Variants in EHD1 observed in about 807,000 individuals in gnomAD.
EHD1 encodes EH domain-containing protein 1.
A neutral mutation model predicts 39.0 loss-of-function variants in EHD1; 19 were observed. The observed-to-expected ratio is 0.49, with a 90% CI of 0.34 to 0.72. The LOEUF (loss-of-function observed/expected upper bound fraction) is 0.72, where lower values mean the gene tolerates loss of function less well. EHD1 is among the 30% of genes least tolerant of loss of function. The pLI, the probability that EHD1 is intolerant of heterozygous loss-of-function variation, is 0.01. For missense variants in EHD1, 542 were observed against 751.5 expected (o/e 0.72, Z 3.26); for synonymous variants, 323 against 331.2 (o/e 0.98, Z 0.27).
intron 2 of EHD1, among the ~76,000 whole-genome samples, chr11:64,867,724 G>A (rs1325024728): frequency 2.0e-5 from 3 of 152,186 alleles, no homozygotes; most frequent in African/African-American, 4.8e-5. Flanking sequence ...CTCCATCTCC[G>A]TACCCCCACC....
intron 3 of EHD1, 123 bp downstream of exon 3, chr11:64,859,801 G>A: frequency 7.4e-7 from 1 of 1,342,664 alleles, no homozygotes; most frequent in East Asian, 2.5e-5. Flanking sequence ...AAACAGCGCA[G>A]TGCAGGTCTG....
chr11:64,872,417 T>A (rs987340388), intron 2 of EHD1, among the ~76,000 whole-genome samples: 1 of 152,118 alleles, frequency 6.6e-6, no homozygotes, highest in Non-Finnish European at 1.5e-5. Flanking sequence ...ACCGAGATCA[T>A]GCCACTGCAC....
chr11:64,879,379 G>A (rs1415159801), upstream of EHD1, among the ~76,000 whole-genome samples: 1 of 152,170 alleles, frequency 6.6e-6, no homozygotes, highest in Non-Finnish European at 1.5e-5. Flanking sequence ...AAAGGCTATA[G>A]CTGGGGCAAG....
intron 2 of EHD1, among the ~76,000 whole-genome samples, chr11:64,860,700 GAA>G (rs1176531426): frequency 1.5e-5 from 2 of 132,738 alleles, no homozygotes; most frequent in Non-Finnish European, 1.5e-5. Flanking sequence ...GCCTGGGTAA[GAA>G]GAGCAAAACT....
In EHD1 at chr11:64,877,658, T is replaced by C. The variant is rs531386328; in HGVS notation, c.404+403A>G. ...TTTCATTGTGTTTTGCTATTGACAC[T>C]TAAGAAGACAGGGAGGGGAGGGTTG... On this transcript the variant is annotated intron_variant, in intron 1 of 4. Transcript: ENST00000320631. 9.9e-5 allele frequency among the ~76,000 whole-genome samples: 15 copies of C among 151,402 alleles called. No homozygotes were observed. In the South Asian group the frequency reaches 3.1e-3, roughly 31 times the overall value.
chr11:64,854,101 G>A lies in EHD1; in HGVS notation c.*232C>T, dbSNP rs8855. The A allele has an allele frequency of 0.46, 339,219 of 729,780 alleles. 89,936 individuals carry two copies. Among genetic ancestry groups the A allele is most frequent in the Non-Finnish European group, 0.56 (259,677 of 460,640 alleles). The allele number at this position is 729,780 out of a possible 1,614,324, so 45.2% of individuals were successfully genotyped here. ...GGCGACAAAGAACGCAGCCTCTAACGTTATATATTAAAATAGCCACAGTTC... is the reference window on the plus strand; with the variant it reads ...GGCGACAAAGAACGCAGCCTCTAACATTATATATTAAAATAGCCACAGTTC... On this transcript the variant is annotated 3_prime_UTR_variant, in exon 5 of 5. Transcript: ENST00000320631.
intron 2 of EHD1, among the ~76,000 whole-genome samples, chr11:64,863,438 G>C (rs1943735900): frequency 6.6e-6 from 1 of 152,232 alleles, no homozygotes; most frequent in African/African-American, 2.4e-5. Context: ...CCCAGTGGGA[G>C]CTGCTGCTGA....
chr11:64,864,200 G>A (rs998611916), intron 2 of EHD1, among the ~76,000 whole-genome samples: 2 of 152,234 alleles, frequency 1.3e-5, no homozygotes, highest in Non-Finnish European at 2.9e-5. Context: ...AGCAGTGCAG[G>A]GGAGCCGGGG....
chr11:64,876,249 C>T (rs1446824403), intron 1 of EHD1, among the ~76,000 whole-genome samples: 1 of 152,258 alleles, frequency 6.6e-6, no homozygotes, highest in Non-Finnish European at 1.5e-5. Context: ...GTTCACGACT[C>T]AATGAGTCTC....
rs180888959 is a variant in EHD1, at chr11:64,854,977, C to G, written c.1081-120G>C. The G allele has an allele frequency of 5.2e-5, 68 of 1,315,210 alleles. No individual in the cohort carries two copies. In the East Asian group the frequency reaches 1.5e-3, roughly 29 times the overall value. The allele number at this position is 1,315,210 out of a possible 1,614,324, so 81.5% of individuals were successfully genotyped here. A position where few individuals can be genotyped will look rare whatever the true frequency, so the allele number is the denominator to read the frequency against. ...TGCTGCTCCCCCACACTAGCAGGGG[C>G]GACTCGGCAAAACCATCTGGCCCTT... On this transcript the variant is annotated intron_variant, in intron 4 of 4. Transcript: ENST00000320631.
chr11:64,869,024 G>A (rs979693096), intron 2 of EHD1, among the ~76,000 whole-genome samples: 7 of 152,214 alleles, frequency 4.6e-5, no homozygotes, highest in Admixed American at 2.6e-4. Context: ...CTGCGAGCAG[G>A]AGTAAATGTT....
chr11:64,878,363 T>C lies in EHD1; in HGVS notation c.102A>G (p.Leu34=), dbSNP rs2136507106. 6.2e-7 allele frequency: 1 copy of C among 1,613,878 alleles called. No individual in the cohort carries two copies. The highest frequency in any genetic ancestry group is 1.1e-5 in the South Asian group (1 of 91,086). ...GLRQLYAQKL[L]PLEEHYRFHE... The stretch of plus-strand genomic sequence containing the variant: ...GGAAGCGGTAGTGCTCCTCCAGGGG[T>C]AGCAGCTTCTGCGCGTACAGCTGCC... Residue 34 remains leucine (L), a synonymous_variant, in exon 1 of 5, where the codon CTA becomes CTG. Coordinates refer to ENST00000320631, the MANE Select transcript of EHD1 (RefSeq NM_006795.4).
chr11:64,858,889 C>A (rs3937000), intron 3 of EHD1, among the ~76,000 whole-genome samples: 1 of 152,316 alleles, frequency 6.6e-6, no homozygotes, highest in South Asian at 2.1e-4. Context: ...GCCAGGAGAC[C>A]TAAGGATGGT....
chr11:64,877,889 T>G, intron 1 of EHD1, 172 bp downstream of exon 1: 2 of 568,576 alleles, frequency 3.5e-6, no homozygotes, highest in Non-Finnish European at 5.5e-6. Context: ...AGACCCCCAG[T>G]GGGTTTACTC....
At position 64,855,472 on chromosome 11, in the gene EHD1, G is replaced by A. The variant is rs1323988945; in HGVS notation, c.930C>T (p.Ile310=). Residue 310 remains isoleucine (I), a synonymous_variant, in exon 4 of 5, where the codon ATC becomes ATT. Transcript: ENST00000320631. ...RARLAKVHAY[I]ISSLKKEMPN... is the part of the protein sequence containing the mutation. Reference sequence around the variant, plus strand: ...GCATCTCTTTCTTGAGGGAGCTGATGATGTAGGCGTGAACCTGTGAGGACG... The same window carrying A: ...GCATCTCTTTCTTGAGGGAGCTGATAATGTAGGCGTGAACCTGTGAGGACG... 1.9e-6 allele frequency: 3 copies of A among 1,613,950 alleles called. No homozygotes were observed. Among genetic ancestry groups the A allele is most frequent in the Non-Finnish European group, 1.7e-6 (2 of 1,180,008 alleles).
intron 2 of EHD1, among the ~76,000 whole-genome samples, 177 bp downstream of exon 2, chr11:64,874,244 C>G (rs944818594): frequency 7.1e-6 from 1 of 140,726 alleles, no homozygotes; most frequent in African/African-American, 2.7e-5. Flanking sequence ...GCAGAGGTTG[C>G]AGTGAGCTGA....
intron 2 of EHD1, among the ~76,000 whole-genome samples, chr11:64,870,302 C>T (rs546792219): frequency 2.6e-5 from 4 of 152,206 alleles, no homozygotes; most frequent in Non-Finnish European, 5.9e-5. Flanking sequence ...GCCAAGGCAC[C>T]CTTCTCAGCT....
intron 1 of EHD1, chr11:64,877,834 T>A: frequency 2.4e-6 from 1 of 415,354 alleles, no homozygotes; most frequent in Non-Finnish European, 4.2e-6. Context: ...CCCTGGAAGA[T>A]TCTGGGGAGG....
chr11:64,874,110 C>G (rs907410796), intron 2 of EHD1, among the ~76,000 whole-genome samples: 1 of 150,826 alleles, frequency 6.6e-6, no homozygotes. Flanking sequence ...TCGAGACCAG[C>G]CTGGCCAATA....
Sources: allele counts gnomAD v4.1 joint callset (sites outside exome capture counted in the v4.1 genomes callset), GRCh38; gene constraint gnomAD v4.1.1; transcripts MANE v1.5; gene names NCBI Gene and HGNC (gene_info 2026-07-23, HGNC 2026-07-21).